Variants in COL17A1 observed in about 807,000 individuals in gnomAD.
The protein encoded by COL17A1 is collagen alpha-1(XVII) chain.
A neutral mutation model predicts 218.4 loss-of-function variants in COL17A1; 181 were observed. That is an observed-to-expected ratio of 0.83 (90% CI 0.73 to 0.94). The LOEUF (loss-of-function observed/expected upper bound fraction) is 0.94. Ranked by LOEUF, COL17A1 falls within the 40% of genes least tolerant of loss-of-function variation. The pLI is 0.00. For missense variants in COL17A1, 1,924 were observed against 1,945.9 expected (o/e 0.99, Z 0.21); for synonymous variants, 721 against 731.0 (o/e 0.99, Z 0.22).
In COL17A1 at chr10:104,033,992, T is replaced by G. The variant is rs17116350; in HGVS notation, c.4109A>C (p.Asp1370Ala). 6 of 1,613,958 alleles carry G rather than the reference T, an allele frequency of 3.7e-6. No individual in the cohort carries two copies. Among genetic ancestry groups the G allele is most frequent in the Non-Finnish European group, 2.5e-6 (3 of 1,179,972 alleles). Residue 1370 changes from aspartate (D) to alanine (A), a missense_variant, in exon 52 of 56, where the codon GAT (aspartate) becomes GCT (alanine). Physicochemically the swap from Asp to Ala is moderately radical, Grantham distance 126. Coordinates refer to ENST00000648076, the MANE Select transcript of COL17A1 (RefSeq NM_000494.4). ...CACAGCCAGCTCATTGTAATCCAGATCTCCAGCAAAGTCAGCTCCCAATAG... is the reference window on the plus strand; with the variant it reads ...CACAGCCAGCTCATTGTAATCCAGAGCTCCAGCAAAGTCAGCTCCCAATAG... ...GGLLGADFAG[D>A]LDYNELAVRV... is the part of the protein sequence containing the mutation.
chr10:104,069,374 G>A (rs988152394), intron 9 of COL17A1, among the ~76,000 whole-genome samples: 5 of 152,036 alleles, frequency 3.3e-5, no homozygotes, highest in Admixed American at 3.3e-4. Context: ...TTACCTCAAG[G>A]GTGCTAAGGG....
chr10:104,078,979 A>G (rs1227553227), intron 2 of COL17A1, among the ~76,000 whole-genome samples: 1 of 152,160 alleles, frequency 6.6e-6, no homozygotes, highest in African/African-American at 2.4e-5. Context: ...ATGGTCTCTC[A>G]GTTCAGCTGA....
intron 27 of COL17A1, 122 bp from the exon 28 acceptor site, chr10:104,050,246 G>A (rs369036996): frequency 1.3e-5 from 18 of 1,414,286 alleles, no homozygotes; most frequent in East Asian, 9.7e-5. Flanking sequence ...TCCTGTCAGC[G>A]GATGTTGGTG....
intron 50 of COL17A1, 139 bp downstream of exon 50, chr10:104,035,124 A>G (rs902437962): frequency 1.4e-5 from 11 of 791,646 alleles, no homozygotes; most frequent in Middle Eastern, 3.5e-4. Context: ...TTGCCAGCAC[A>G]TGTGGCGCTC....
At chr10:104,078,614 T>G in intron 2 of COL17A1, 28 bp from the exon 3 acceptor site, 2 of 1,613,906 alleles carry the variant, frequency 1.2e-6, no homozygotes, top group Non-Finnish European at 1.7e-6. Flanking sequence ...AAAGATGAGT[T>G]CTTATGTAAT....
intron 10 of COL17A1, 102 bp from the exon 11 acceptor site, chr10:104,063,920 T>G: frequency 6.5e-7 from 1 of 1,532,350 alleles, no homozygotes; most frequent in African/African-American, 1.4e-5. Flanking sequence ...CAGGATTGGG[T>G]TTTTATATTT....
chr10:104,056,905 C>A (rs2134620355), intron 17 of COL17A1, 70 bp downstream of exon 17: 1 of 1,547,870 alleles, frequency 6.5e-7, no homozygotes, highest in East Asian at 2.4e-5. Flanking sequence ...CAGATTCCTG[C>A]CCTTCTGACA....
At chr10:104,059,489 C>T in intron 15 of COL17A1, 149 bp downstream of exon 15, 1 of 737,798 alleles carries the variant, frequency 1.4e-6, no homozygotes. Flanking sequence ...TGAGCTAGGG[C>T]TGGGATCCTG....
At chr10:104,064,668 T>C (rs1207476861) in intron 9 of COL17A1, 72 bp from the exon 10 acceptor site, 4 of 1,421,374 alleles carry the variant, frequency 2.8e-6, no homozygotes, top group Non-Finnish European at 2.9e-6. Flanking sequence ...TCTAGTCACC[T>C]CATTTTGCTG....
At chr10:104,053,408 C>T (rs958792505) in intron 22 of COL17A1, among the ~76,000 whole-genome samples, 2 of 152,176 alleles carry the variant, frequency 1.3e-5, no homozygotes, top group African/African-American at 4.8e-5. Context: ...GCCTCTGAGG[C>T]CCCACACAGC....
Position 104,050,625 on chromosome 10 carries a change from G to T in COL17A1, c.2124C>A (p.Pro708=), listed in dbSNP as rs755170425. 3.1e-6 allele frequency: 5 copies of T among 1,613,308 alleles called. No individual in the cohort carries two copies. Among genetic ancestry groups the T allele is most frequent in the Non-Finnish European group, 3.4e-6 (4 of 1,180,010 alleles). The part of the protein sequence containing the change: ...GDKGPMGPPG[P]KGDQGEKGPR... The stretch of plus-strand genomic sequence containing the variant: ...GAGCAGCAGTGAGTGGCATACCTTT[G>T]GGTCCTGGTGGTCCCATTGGTCCTT... Residue 708 remains proline, a synonymous_variant, in exon 27 of 56, where the codon CCC becomes CCA. Coordinates refer to ENST00000648076, the MANE Select transcript of COL17A1 (RefSeq NM_000494.4).
In COL17A1 at chr10:104,055,822, C is replaced by A; in HGVS notation, c.1647G>T (p.Trp549Cys). The change falls in exon 18 of 56, where the codon TGG (tryptophan) becomes TGT (cysteine). Residue 549 changes from tryptophan to cysteine, a missense_variant. Trp to Cys is a radical substitution (Grantham distance 215, BLOSUM62 -2). Transcript: ENST00000648076. ...TCATTAGCTTCTTCCTCACGAACAT[C>A]CAGAGCTCCTCCTGGCTGTCACTGT... ...GLHSDSQEEL[W>C]MFVRKKLMME... 6.2e-7 allele frequency: 1 copy of A among 1,614,228 alleles called. No homozygotes were observed. The highest frequency in any genetic ancestry group is 8.5e-7 in the Non-Finnish European group (1 of 1,180,048).
At chr10:104,036,391 C>T in intron 48 of COL17A1, 101 bp downstream of exon 48, 2 of 1,510,424 alleles carry the variant, frequency 1.3e-6, no homozygotes, top group South Asian at 1.2e-5. Flanking sequence ...TGCAGTCTGG[C>T]AGGTGGGGGT....
intron 51 of COL17A1, 41 bp from the exon 52 acceptor site, chr10:104,034,375 G>C (rs778721264): frequency 4.3e-5 from 66 of 1,531,372 alleles, no homozygotes; most frequent in Non-Finnish European, 5.5e-5. Flanking sequence ...CTCAGATCTC[G>C]GTGGAGAGAA....
intron 20 of COL17A1, among the ~76,000 whole-genome samples, chr10:104,054,444 G>A (rs999250884): frequency 1.3e-5 from 2 of 152,128 alleles, no homozygotes; most frequent in Non-Finnish European, 2.9e-5. Context: ...AGGGGTGTGC[G>A]GGCTGGAGAC....
rs142902300 is a variant in COL17A1, at chr10:104,035,321, C to T, written c.3561G>A (p.Gly1187=). The change falls in exon 50 of 56, where the codon GGG becomes GGA. Residue 1187 remains glycine, a synonymous_variant. Transcript: ENST00000648076. ...VGPPGPPGPP[G]IPGNVWSSIS... ...TGCTGGACCACACATTGCCTGGGAT[C>T]CCTGGTGGACCCGGGGGACCTGGGG... 1.2e-6 allele frequency: 2 copies of T among 1,614,214 alleles called. No individual in the cohort carries two copies. The highest frequency in any genetic ancestry group is 1.7e-6 in the Non-Finnish European group (2 of 1,180,022).
chr10:104,056,509 G>C (rs919163841), intron 17 of COL17A1, among the ~76,000 whole-genome samples: 1 of 152,068 alleles, frequency 6.6e-6, no homozygotes, highest in Non-Finnish European at 1.5e-5. Flanking sequence ...TTGAACTCAG[G>C]AGGCGGAGGT....
At chr10:104,048,181 C>G in intron 29 of COL17A1, 77 bp from the exon 30 acceptor site, 5 of 1,512,106 alleles carry the variant, frequency 3.3e-6, no homozygotes, top group Non-Finnish European at 4.6e-6. Context: ...GTCCCAGTGG[C>G]CTTGAAGCAC....
At chr10:104,044,259 T>G (rs998262286) in intron 33 of COL17A1, among the ~76,000 whole-genome samples, 17 of 152,162 alleles carry the variant, frequency 1.1e-4, no homozygotes, top group African/African-American at 3.6e-4. Context: ...TAGAGCGGGA[T>G]TCCTAGAGTG....
Sources: gnomAD v4.1 joint callset for allele counts (sites outside exome capture counted in the v4.1 genomes callset) on GRCh38, gnomAD v4.1.1 for gene constraint, MANE v1.5 for transcripts, NCBI Gene and HGNC (gene_info 2026-07-23, HGNC 2026-07-21) for gene names.